Variants in ASXL3 observed in about 807,000 individuals in gnomAD.
ASXL3 encodes ASXL transcriptional regulator 3.
In ASXL3, 34 loss-of-function variants were observed where a neutral mutation model predicts 170.6. The ratio of observed to expected loss-of-function variants is 0.20; its 90% CI spans 0.15 to 0.27. The LOEUF (loss-of-function observed/expected upper bound fraction) is 0.27, where lower values mean the gene tolerates loss of function less well. Ranked by LOEUF, ASXL3 falls within the 10% of genes least tolerant of loss-of-function variation. The probability of loss-of-function intolerance (pLI) is 1.00; values close to 1 mark genes in which losing one functional copy is unlikely to be tolerated. For missense variants in ASXL3, 2,592 were observed against 2,695.3 expected, an observed-to-expected ratio of 0.96 and a Z score of 0.85; for synonymous variants, 1,002 against 989.1, an observed-to-expected ratio of 1.01 and a Z score of -0.24.
chr18:33,671,914 T>G, intron 7 of ASXL3, 48 bp downstream of exon 7: 2 of 1,451,194 alleles, frequency 1.4e-6, no homozygotes, highest in Non-Finnish European at 1.8e-6. Flanking sequence ...AAATTTGTGT[T>G]TTCTCAAATA....
chr18:33,597,742 TAAGTGAATTAA>T (rs1473746589), intron 1 of ASXL3, among the ~76,000 whole-genome samples: 1 of 149,376 alleles, frequency 6.7e-6, no homozygotes, highest in Non-Finnish European at 1.5e-5. Context: ...TAACCTGGTA[TAAGTGAATTAA>T]AAGTGAATTA....
intron 8 of ASXL3, among the ~76,000 whole-genome samples, chr18:33,720,472 T>C (rs1300301259): frequency 6.6e-6 from 1 of 151,972 alleles, no homozygotes; most frequent in Non-Finnish European, 1.5e-5. Flanking sequence ...GGAAGTTTTT[T>C]CCCCCCTTCC....
chr18:33,715,311 T>TA (rs1391246578), intron 8 of ASXL3, among the ~76,000 whole-genome samples: 3 of 152,232 alleles, frequency 2.0e-5, no homozygotes, highest in African/African-American at 7.2e-5. Flanking sequence ...GCAGGTTCTC[T>TA]AAAAATTCAG....
At chr18:33,738,137 T>C (rs1333894810) in intron 10 of ASXL3, among the ~76,000 whole-genome samples, 1 of 152,090 alleles carries the variant, frequency 6.6e-6, no homozygotes, top group Non-Finnish European at 1.5e-5. Context: ...ATCATCATTA[T>C]AAACTGGTTT....
Position 33,748,700 on chromosome 18 carries a change from C to T in ASXL3, c.*2105C>T, listed in dbSNP as rs1028406685. The T allele has an allele frequency of 6.6e-6, 1 of 152,232 alleles. No homozygotes were observed. Among genetic ancestry groups the T allele is most frequent in the Middle Eastern group, 3.2e-3 (1 of 316 alleles). The allele number at this position is 152,232 out of a possible 1,614,324, so 9.4% of individuals were successfully genotyped here. A position where few individuals can be genotyped will look rare whatever the true frequency, so the allele number is the denominator to read the frequency against. Reference sequence around the variant, plus strand: ...ATTTCGAAGATCATGCTGTTAGTCTCACAGCGGGGCACCCCTATAATATAG... The same window carrying T: ...ATTTCGAAGATCATGCTGTTAGTCTTACAGCGGGGCACCCCTATAATATAG... On this transcript the variant is annotated 3_prime_UTR_variant, in exon 12 of 12. Transcript: ENST00000269197.
In ASXL3 at chr18:33,746,667, A is replaced by C. The variant is rs1370005622; in HGVS notation, c.*72A>C. ...AATAGCATCAGCAACAACAAATAGA[A>C]TAATGCAGTGGTTTCTATCATGCTA... On this transcript the variant is annotated 3_prime_UTR_variant, in exon 12 of 12. Coordinates refer to ENST00000269197, the MANE Select transcript of ASXL3 (RefSeq NM_030632.3). 6.7e-7 allele frequency: 1 copy of C among 1,497,164 alleles called. No homozygotes were observed. Among genetic ancestry groups the C allele is most frequent in the African/African-American group, 1.4e-5 (1 of 71,924 alleles). 92.7% of individuals were successfully genotyped at this position (1,497,164 alleles called of 1,614,324 possible). A position where few individuals can be genotyped will look rare whatever the true frequency, so the allele number is the denominator to read the frequency against.
rs113628506 is a variant in ASXL3, at chr18:33,710,460, T to G, written c.880-21508T>G. 8.2e-3 allele frequency among the ~76,000 whole-genome samples: 1,242 copies of G among 152,310 alleles called. 22 individuals are homozygous for G. The highest frequency in any genetic ancestry group is 0.028 in the African/African-American group (1,167 of 41,572). Reference sequence around the variant, plus strand: ...TCCATAATTAACTTCATTTTTCCATTTGAGTTTTCTCTTTCAGTGGGTCAT... The same window carrying G: ...TCCATAATTAACTTCATTTTTCCATGTGAGTTTTCTCTTTCAGTGGGTCAT... On this transcript the variant is annotated intron_variant, in intron 8 of 11. Coordinates refer to ENST00000269197, the MANE Select transcript of ASXL3 (RefSeq NM_030632.3).
At chr18:33,644,028 A>C (rs1440663622) in intron 2 of ASXL3, among the ~76,000 whole-genome samples, 2 of 151,920 alleles carry the variant, frequency 1.3e-5, no homozygotes, top group African/African-American at 4.8e-5. Context: ...GTTTGCAATC[A>C]AAACACAAAA....
At chr18:33,702,704 G>A (rs1343841103) in intron 8 of ASXL3, among the ~76,000 whole-genome samples, 1 of 152,026 alleles carries the variant, frequency 6.6e-6, no homozygotes, top group Admixed American at 6.6e-5. Flanking sequence ...GTTTTCAGTG[G>A]TCACAGTAAA....
At position 33,734,293 on chromosome 18, in the gene ASXL3, T is replaced by C; in HGVS notation, c.977-17T>C. ...ATGTGACCACATTTATTCAATACAT[T>C]AGCATTTTCTTTTTAGGAGAGTTTA... is the stretch of plus-strand genomic sequence containing the variant. On this transcript the variant is annotated splice_polypyrimidine_tract_variant and intron_variant, in intron 9 of 11. Coordinates refer to ENST00000269197, the MANE Select transcript of ASXL3 (RefSeq NM_030632.3). 2 of 1,548,998 alleles carry C rather than the reference T, an allele frequency of 1.3e-6. No homozygotes were observed. The highest frequency in any genetic ancestry group is 1.8e-6 in the Non-Finnish European group (2 of 1,137,864).
At chr18:33,582,729 TGTGTGTGTG>T (rs2065004010) in intron 1 of ASXL3, among the ~76,000 whole-genome samples, 2 of 150,560 alleles carry the variant, frequency 1.3e-5, no homozygotes, top group African/African-American at 5.0e-5. Context: ...TGTGTGTGTG[TGTGTGTGTG>T]TGTTTTCTTG....
intron 4 of ASXL3, among the ~76,000 whole-genome samples, chr18:33,655,108 C>T (rs377527281): frequency 8.5e-5 from 13 of 152,052 alleles, no homozygotes; most frequent in Admixed American, 5.2e-4. Flanking sequence ...GGCAGGTGAA[C>T]GACATTTGCA....
At chr18:33,610,656 C>T (rs935486308) in intron 2 of ASXL3, among the ~76,000 whole-genome samples, 8 of 152,012 alleles carry the variant, frequency 5.3e-5, no homozygotes, top group African/African-American at 1.7e-4. Flanking sequence ...ACCTAACACT[C>T]CTGGCTCTCG....
chr18:33,709,892 T>G (rs759886121), intron 8 of ASXL3, among the ~76,000 whole-genome samples: 13 of 152,196 alleles, frequency 8.5e-5, no homozygotes, highest in Non-Finnish European at 1.9e-4. Context: ...TGACCACTGC[T>G]TCCTAATCAC....
intron 2 of ASXL3, among the ~76,000 whole-genome samples, chr18:33,643,772 T>C (rs2065879137): frequency 6.6e-6 from 1 of 151,812 alleles, no homozygotes; most frequent in Admixed American, 6.6e-5. Flanking sequence ...AAATTTGAAG[T>C]TAGAATTCTG....
chr18:33,653,677 T>A (rs1453694084), intron 4 of ASXL3, among the ~76,000 whole-genome samples: 4 of 152,050 alleles, frequency 2.6e-5, no homozygotes, highest in Non-Finnish European at 5.9e-5. Flanking sequence ...CTGTTTCCTC[T>A]CTCCTGCCAG....
chr18:33,693,073 T>C (rs1290735223), intron 8 of ASXL3, among the ~76,000 whole-genome samples: 1 of 152,056 alleles, frequency 6.6e-6, no homozygotes, highest in African/African-American at 2.4e-5. Flanking sequence ...CCGAAGAAAA[T>C]CATGTTGGGG....
Position 33,745,953 on chromosome 18 carries a change from C to G in ASXL3, c.6105C>G (p.Pro2035=). The change falls in exon 12 of 12, where the codon CCC becomes CCG. Residue 2035 remains proline (P), a synonymous_variant. Transcript: ENST00000269197. ...CACCCTTGGCTTTGCCCCCGCCTCC[C>G]CCCCCACCACCTCCGCTACCTCCAC... ...PPPPLALPPP[P]PPPPPLPPPL... The G allele has an allele frequency of 6.8e-7, 1 of 1,477,260 alleles. No individual in the cohort carries two copies. The highest frequency in any genetic ancestry group is 9.1e-7 in the Non-Finnish European group (1 of 1,098,506). The allele number at this position is 1,477,260 out of a possible 1,614,324, so 91.5% of individuals were successfully genotyped here.
In ASXL3 at chr18:33,646,332, GC is replaced by G; in HGVS notation, c.337del (p.His113MetfsTer12). On this transcript the variant is annotated frameshift_variant, in exon 4 of 12. Coordinates refer to ENST00000269197, the MANE Select transcript of ASXL3 (RefSeq NM_030632.3). LOFTEE classifies it high-confidence loss of function. ...LDGTDMAEAN[A>X]HGEENGVCSK... ...TGGTACAGATATGGCCGAGGCAAAT[GC>G]CCATGGAGAAGAAAATGGAGGTAAG... The G allele has an allele frequency of 6.2e-7, 1 of 1,609,552 alleles. No homozygotes were observed. Among genetic ancestry groups the G allele is most frequent in the Non-Finnish European group, 8.5e-7 (1 of 1,177,146 alleles).
Sources: gnomAD v4.1 joint callset for allele counts (sites outside exome capture counted in the v4.1 genomes callset) on GRCh38, gnomAD v4.1.1 for gene constraint, MANE v1.5 for transcripts, NCBI Gene and HGNC (gene_info 2026-07-23, HGNC 2026-07-21) for gene names.